Variants in TENM2 observed in about 807,000 individuals in gnomAD.
TENM2 encodes the protein teneurin-2.
Under a neutral mutation model 245.2 loss-of-function variants are expected in TENM2, and 52 were observed. The observed-to-expected ratio is 0.21, with a 90% CI of 0.17 to 0.27. The LOEUF (loss-of-function observed/expected upper bound fraction) is 0.27. Ranked by LOEUF, TENM2 falls within the 10% of genes least tolerant of loss-of-function variation. The probability of loss-of-function intolerance (pLI) is 1.00; values close to 1 mark genes in which losing one functional copy is unlikely to be tolerated. For missense variants in TENM2, 3,046 were observed against 3,666.8 expected (o/e 0.83, Z 4.37); for synonymous variants, 1,363 against 1,438.9 (o/e 0.95, Z 1.19).
intron 2 of TENM2, among the ~76,000 whole-genome samples, chr5:167,414,146 C>T (rs748811438): frequency 1.3e-5 from 2 of 152,070 alleles, no homozygotes; most frequent in Non-Finnish European, 2.9e-5. Flanking sequence ...TTCTCATTTT[C>T]TCTTTTAACA....
At chr5:167,046,844 C>T in the TENM2 span, among the ~76,000 whole-genome samples, 2 of 152,160 alleles carry the variant, frequency 1.3e-5, no homozygotes, top group East Asian at 1.9e-4. Context: ...TCCTAATGCT[C>T]TCCCTCCCTT....
intron 2 of TENM2, among the ~76,000 whole-genome samples, chr5:167,419,731 TA>T (rs1763380200): frequency 6.6e-6 from 1 of 152,218 alleles, no homozygotes; most frequent in Non-Finnish European, 1.5e-5. Flanking sequence ...TGTATGTTTT[TA>T]AATGAGTTAT....
upstream of TENM2, among the ~76,000 whole-genome samples, chr5:167,281,225 A>G (rs1202159640): frequency 6.7e-6 from 1 of 149,806 alleles, no homozygotes; most frequent in Non-Finnish European, 1.5e-5. Context: ...TCTCTTCCTC[A>G]GCATCTTGAG....
chr5:167,653,808 T>G (rs1030477283), intron 2 of TENM2: 2 of 152,262 alleles, frequency 1.3e-5, no homozygotes, highest in Non-Finnish European at 2.9e-5. Flanking sequence ...AAACAGCTAA[T>G]CTGAGGGCTT....
rs190444453 is a variant in TENM2 at position 167,886,351 on chromosome 5, C to T, written c.712+10156C>T. On this transcript the variant is annotated intron_variant, in intron 3 of 28. Transcript: ENST00000518659. The stretch of plus-strand genomic sequence containing the variant: ...AGAAATAAAATGTAGTCATCATTTA[C>T]CGCATGGCCCAGCTCTGAATAGCAT... 3.0e-3 allele frequency among the ~76,000 whole-genome samples: 461 copies of T among 152,202 alleles called. 2 individuals are homozygous for T. The highest frequency in any genetic ancestry group is 5.8e-3 in the Non-Finnish European group (395 of 68,002).
the TENM2 span, among the ~76,000 whole-genome samples, chr5:167,140,876 C>T: frequency 3.9e-5 from 6 of 152,274 alleles, no homozygotes; most frequent in African/African-American, 1.2e-4. Flanking sequence ...CAAGAACAAA[C>T]ACTTAGAAGT....
chr5:167,152,365 A>G, the TENM2 span, among the ~76,000 whole-genome samples: 1 of 152,200 alleles, frequency 6.6e-6, no homozygotes, highest in Admixed American at 6.5e-5. Flanking sequence ...GATTTATTAT[A>G]TGAAAGACTT....
chr5:167,824,263 G>A (rs895470856), intron 2 of TENM2, among the ~76,000 whole-genome samples: 1 of 152,082 alleles, frequency 6.6e-6, no homozygotes, highest in African/African-American at 2.4e-5. Flanking sequence ...GAAAGCAAGT[G>A]TGATATGCCT....
At chr5:167,801,176 G>C (rs898368774) in intron 2 of TENM2, among the ~76,000 whole-genome samples, 2 of 132,462 alleles carry the variant, frequency 1.5e-5, no homozygotes, top group Non-Finnish European at 1.6e-5. Context: ...CAGGGTCAAA[G>C]TGTTCCAATG....
intron 19 of TENM2, among the ~76,000 whole-genome samples, chr5:168,205,125 C>A (rs1762252841): frequency 6.6e-6 from 1 of 152,150 alleles, no homozygotes. Flanking sequence ...GAAAGCCAGA[C>A]CCCTCTGTGC....
chr5:167,842,450 A>G (rs868012626), intron 2 of TENM2, among the ~76,000 whole-genome samples: 1 of 151,920 alleles, frequency 6.6e-6, no homozygotes, highest in Middle Eastern at 3.4e-3. Context: ...TTAGCTAGGC[A>G]TGGTGGCACA....
chr5:167,405,626 T>C (rs1357407862), intron 2 of TENM2, among the ~76,000 whole-genome samples: 1 of 152,032 alleles, frequency 6.6e-6, no homozygotes, highest in Non-Finnish European at 1.5e-5. Context: ...GTATTGACAG[T>C]GTGCTCTGCA....
At position 167,462,189 on chromosome 5, in the gene TENM2, C is replaced by CCG. The variant is rs1554159750; in HGVS notation, c.502+86717_502+86718insGC. Among the ~76,000 whole-genome samples, 32 of 132,646 alleles carry CCG rather than the reference C, an allele frequency of 2.4e-4. 1 individual carries two copies. The highest frequency in any genetic ancestry group is 7.4e-4 in the African/African-American group (27 of 36,534). 87.0% of individuals were successfully genotyped at this position (132,646 alleles called of 152,430 possible). ...AGAGTTCCCTGACCCCCACCCCCCC[C>CCG]CCCCATTGCAGGACATGCAACAGGG... On this transcript the variant is annotated intron_variant, in intron 2 of 28. Transcript: ENST00000518659.
intron 2 of TENM2, among the ~76,000 whole-genome samples, chr5:167,430,157 G>GAATAAT (rs1764129978): frequency 6.6e-6 from 1 of 152,098 alleles, no homozygotes; most frequent in Non-Finnish European, 1.5e-5. Context: ...GGAGAGGTTT[G>GAATAAT]TCTGGAAGGG....
chr5:167,298,484 T>A (rs1755100474), intron 1 of TENM2, among the ~76,000 whole-genome samples: 1 of 152,022 alleles, frequency 6.6e-6, no homozygotes, highest in East Asian at 1.9e-4. Flanking sequence ...GCGCCTGAAG[T>A]CCCAGCTACT....
chr5:167,815,972 TTGTGTGTGTGTGTGTGTG>T (rs34151147), intron 2 of TENM2, among the ~76,000 whole-genome samples: 3 of 144,018 alleles, frequency 2.1e-5, no homozygotes, highest in Non-Finnish European at 1.5e-5. Flanking sequence ...TTATGATCCT[TTGTGTGTGTGTGTGTGTG>T]TGTGTGTGTG....
intron 2 of TENM2, among the ~76,000 whole-genome samples, chr5:167,783,438 T>C (rs151293259): frequency 1.8e-4 from 28 of 152,202 alleles, no homozygotes; most frequent in Non-Finnish European, 3.2e-4. Context: ...CAGAGTACAA[T>C]ATTTCAGAAG....
intron 2 of TENM2, among the ~76,000 whole-genome samples, chr5:167,405,318 T>C (rs1762572778): frequency 1.3e-5 from 2 of 152,056 alleles, no homozygotes; most frequent in Non-Finnish European, 2.9e-5. Flanking sequence ...GGGTGCAAAC[T>C]CCAGTTCTGC....
exon 27 of TENM2, chr5:168,246,940 A>C: frequency 6.2e-7 from 1 of 1,614,008 alleles, no homozygotes; most frequent in Non-Finnish European, 8.5e-7. Context: ...CTTTGACTAC[A>C]GTGATGACGG....
Sources: gnomAD v4.1 joint callset for allele counts (sites outside exome capture counted in the v4.1 genomes callset) on GRCh38, gnomAD v4.1.1 for gene constraint, MANE v1.5 for transcripts, NCBI Gene and HGNC (gene_info 2026-07-23, HGNC 2026-07-21) for gene names.